The following ZBTB20 variants were observed in gnomAD, a reference collection of about 807,000 sequenced individuals.
The protein encoded by ZBTB20 is zinc finger and BTB domain-containing protein 20.
ZBTB20 carries 9 observed loss-of-function variants against 56.9 expected under a neutral mutation model. The ratio of observed to expected loss-of-function variants is 0.16; its 90% CI spans 0.10 to 0.28. The LOEUF (loss-of-function observed/expected upper bound fraction) is 0.28. Ranked by LOEUF, ZBTB20 falls within the 10% of genes least tolerant of loss-of-function variation. ZBTB20 has a pLI of 1.00. For synonymous variants in ZBTB20, 417 were observed against 420.7 expected (o/e 0.99, Z 0.11); for missense variants, 655 against 1,003.0 (o/e 0.65, Z 4.69).
chr3:114,371,348 C>T (rs1045773200), intron 10 of ZBTB20, among the ~76,000 whole-genome samples: 4 of 152,146 alleles, frequency 2.6e-5, no homozygotes, highest in African/African-American at 9.7e-5. Context: ...CTGTTTTTCT[C>T]CACCTTTGTG....
chr3:115,076,686 A>G (rs766174455), intron 1 of ZBTB20, among the ~76,000 whole-genome samples: 3 of 152,226 alleles, frequency 2.0e-5, no homozygotes, highest in Non-Finnish European at 4.4e-5. Context: ...AAATAAAAAT[A>G]AACAGGTAAG....
intron 5 of ZBTB20, among the ~76,000 whole-genome samples, chr3:114,789,134 C>T (rs1036033894): frequency 6.6e-6 from 1 of 152,106 alleles, no homozygotes; most frequent in African/African-American, 2.4e-5. Context: ...TATTTTCATG[C>T]ATAGGATCTA....
At chr3:115,129,966 A>G (rs1486172041) in intron 1 of ZBTB20, among the ~76,000 whole-genome samples, 1 of 149,874 alleles carries the variant, frequency 6.7e-6, no homozygotes, top group African/African-American at 2.5e-5. Flanking sequence ...GCTTAATATC[A>G]CACACACAGC....
chr3:114,764,885 G>A (rs987960956), intron 5 of ZBTB20, among the ~76,000 whole-genome samples: 10 of 152,130 alleles, frequency 6.6e-5, no homozygotes, highest in Admixed American at 6.6e-4. Flanking sequence ...TAAGGTACAC[G>A]CTGTTGCCCA....
chr3:114,697,383 C>T (rs904820732), intron 5 of ZBTB20, among the ~76,000 whole-genome samples: 1 of 151,902 alleles, frequency 6.6e-6, no homozygotes, highest in Non-Finnish European at 1.5e-5. Context: ...ATACAGGTCA[C>T]GATGTCTCAT....
At chr3:114,722,749 A>C (rs2065003768) in intron 5 of ZBTB20, among the ~76,000 whole-genome samples, 1 of 152,192 alleles carries the variant, frequency 6.6e-6, no homozygotes. Context: ...CCAATGAGAG[A>C]ATGACATACC....
intron 6 of ZBTB20, among the ~76,000 whole-genome samples, chr3:114,655,696 C>A (rs1422570661): frequency 3.3e-5 from 5 of 152,108 alleles, no homozygotes; most frequent in African/African-American, 1.2e-4. Context: ...ACTGTTTACA[C>A]AGAGTTAATA....
intron 6 of ZBTB20, among the ~76,000 whole-genome samples, chr3:114,563,681 A>G (rs962749250): frequency 1.3e-5 from 2 of 152,224 alleles, no homozygotes; most frequent in Non-Finnish European, 2.9e-5. Flanking sequence ...TGCTAGGGAC[A>G]TAGGGTTGAA....
At position 114,988,261 on chromosome 3, in the gene ZBTB20, C is replaced by T. The variant is rs1003411291; in HGVS notation, c.-506-13845G>A. Among the ~76,000 whole-genome samples, 13 of 145,718 alleles carry T rather than the reference C, an allele frequency of 8.9e-5. No individual in the cohort carries two copies. The South Asian group carries it at 1.4e-3, about 15-fold the overall frequency. The stretch of plus-strand genomic sequence containing the variant: ...CCCCTCCCTCCCCCCTCCCCCAACC[C>T]CATGACAGGCCCCGGGGTGTGATGT... On this transcript the variant is annotated intron_variant, in intron 2 of 11. Coordinates refer to ENST00000675478, the MANE Select transcript of ZBTB20 (RefSeq NM_001348800.3).
At chr3:114,644,191 C>T (rs1280786590) in intron 6 of ZBTB20, among the ~76,000 whole-genome samples, 4 of 151,654 alleles carry the variant, frequency 2.6e-5, no homozygotes, top group Non-Finnish European at 5.9e-5. Context: ...AAAAACAAAA[C>T]GAAATAAAAT....
At chr3:114,856,534 CA>C (rs1028941180) in intron 4 of ZBTB20, among the ~76,000 whole-genome samples, 2 of 150,602 alleles carry the variant, frequency 1.3e-5, no homozygotes, top group African/African-American at 2.4e-5. Flanking sequence ...ATGTATTTAT[CA>C]AAAAAAACTA....
chr3:115,116,628 T>C (rs1189367935), intron 1 of ZBTB20, among the ~76,000 whole-genome samples: 1 of 152,018 alleles, frequency 6.6e-6, no homozygotes, highest in African/African-American at 2.4e-5. Flanking sequence ...GCACACAAAA[T>C]TTATTAATTC....
Position 115,132,634 on chromosome 3 carries a change from C to T in ZBTB20, c.-703+14585G>A, listed in dbSNP as rs185482453. Among the ~76,000 whole-genome samples, 28 of 152,214 alleles carry T rather than the reference C, an allele frequency of 1.8e-4. No individual in the cohort carries two copies. The East Asian group carries it at 4.8e-3, about 26-fold the overall frequency. On this transcript the variant is annotated intron_variant, in intron 1 of 11. Coordinates refer to ENST00000675478, the MANE Select transcript of ZBTB20 (RefSeq NM_001348800.3). ...AATTTAGGCCATGTGCAGTGGCTCA[C>T]GCCTGTAATCCCAGCACTTTGGGTG... is the stretch of plus-strand genomic sequence containing the variant.
At chr3:114,482,307 C>T (rs2041645742) in intron 7 of ZBTB20, among the ~76,000 whole-genome samples, 2 of 152,296 alleles carry the variant, frequency 1.3e-5, no homozygotes, top group Non-Finnish European at 2.9e-5. Flanking sequence ...GAAGACAACA[C>T]TGAGAAGACC....
chr3:114,832,578 A>G (rs2073910502), intron 4 of ZBTB20, among the ~76,000 whole-genome samples: 1 of 152,096 alleles, frequency 6.6e-6, no homozygotes, highest in African/African-American at 2.4e-5. Flanking sequence ...AATTAAGCAC[A>G]ATGCATTATT....
chr3:114,854,331 CAG>C lies in ZBTB20; in HGVS notation c.-417+45971_-417+45972del, dbSNP rs557869636. Among the ~76,000 whole-genome samples, 395 of 152,196 alleles carry C rather than the reference CAG, an allele frequency of 2.6e-3. 3 individuals carry two copies. The highest frequency in any genetic ancestry group is 3.3e-3 in the Non-Finnish European group (224 of 67,994). On this transcript the variant is annotated intron_variant, in intron 4 of 11. Coordinates refer to ENST00000675478, the MANE Select transcript of ZBTB20 (RefSeq NM_001348800.3). Reference sequence around the variant, plus strand: ...TACTATCAAAGATAATAGAGGCTAACAGGGAAGTTATATAAATACTTTCATGA... The same window carrying C: ...TACTATCAAAGATAATAGAGGCTAACGGAAGTTATATAAATACTTTCATGA...
At chr3:115,052,439 G>A (rs915357422) in intron 2 of ZBTB20, among the ~76,000 whole-genome samples, 1 of 151,744 alleles carries the variant, frequency 6.6e-6, no homozygotes, top group African/African-American at 2.4e-5. Context: ...CCTAGGTAAT[G>A]GAGTGAGACG....
At chr3:114,912,894 A>G (rs1251989300) in intron 3 of ZBTB20, among the ~76,000 whole-genome samples, 1 of 151,850 alleles carries the variant, frequency 6.6e-6, no homozygotes, top group Non-Finnish European at 1.5e-5. Context: ...ACTGACACAC[A>G]AAAAAGAATG....
chr3:114,592,916 A>G (rs2055925931), intron 6 of ZBTB20, among the ~76,000 whole-genome samples: 1 of 152,188 alleles, frequency 6.6e-6, no homozygotes, highest in Non-Finnish European at 1.5e-5. Context: ...GAACAGATTC[A>G]CATACATAAA....
Sources: gnomAD v4.1 joint callset for allele counts (sites outside exome capture counted in the v4.1 genomes callset) on GRCh38, gnomAD v4.1.1 for gene constraint, MANE v1.5 for transcripts, NCBI Gene and HGNC (gene_info 2026-07-23, HGNC 2026-07-21) for gene names.